The following PTPN4 variants were observed in gnomAD, a reference collection of about 807,000 sequenced individuals.
PTPN4 encodes the protein tyrosine-protein phosphatase non-receptor type 4.
In PTPN4, 49 loss-of-function variants were observed where a neutral mutation model predicts 135.5. That is an observed-to-expected ratio of 0.36 (90% confidence interval 0.29 to 0.46). The LOEUF is 0.46. Ranked by LOEUF, PTPN4 falls within the 20% of genes least tolerant of loss-of-function variation. The pLI is 1.00. For synonymous variants in PTPN4, 333 were observed against 369.9 expected (o/e 0.90, Z 1.14); for missense variants, 860 against 1,101.0 (o/e 0.78, Z 3.10).
Position 119,977,060 on chromosome 2 carries a change from CAAAT to C in PTPN4, c.2778_2781del (p.Ter927LysfsTer21). 1 of 1,590,490 alleles carries C rather than the reference CAAAT, an allele frequency of 6.3e-7. No individual in the cohort carries two copies. The highest frequency in any genetic ancestry group is 8.5e-7 in the Non-Finnish European group (1 of 1,172,974). On this transcript the variant is annotated frameshift_variant, in exon 27 of 27. Transcript: ENST00000263708. LOFTEE classifies it high-confidence loss of function. ...TTTGTTAAACCCTTAACAACATCAA[CAAAT>C]AAATAAGAAAGCAAAAAGATCTGGG...
intron 10 of PTPN4, among the ~76,000 whole-genome samples, chr2:119,904,337 A>C (rs1428579399): frequency 6.6e-6 from 1 of 152,174 alleles, no homozygotes; most frequent in African/African-American, 2.4e-5. Context: ...CTGAACCCGA[A>C]GACAGGTCTT....
intron 3 of PTPN4, among the ~76,000 whole-genome samples, chr2:119,866,701 T>C (rs1677839862): frequency 6.6e-6 from 1 of 152,154 alleles, no homozygotes; most frequent in Non-Finnish European, 1.5e-5. Flanking sequence ...TATAACTCAA[T>C]TCTTACATTA....
intron 1 of PTPN4, among the ~76,000 whole-genome samples, chr2:119,766,860 A>C (rs1690639683): frequency 6.6e-6 from 1 of 152,200 alleles, no homozygotes; most frequent in Non-Finnish European, 1.5e-5. Context: ...GGGGGGAAAG[A>C]GTTGAAGATG....
Position 119,960,794 on chromosome 2 carries a change from C to G in PTPN4, c.2134-13C>G. ...ATGCAAAACATTTTATTTTCATGCC[C>G]TTTTCTTTTTAGATGGAAATTCCTT... On this transcript the variant is annotated splice_polypyrimidine_tract_variant and intron_variant, in intron 22 of 26. Transcript: ENST00000263708. The G allele has an allele frequency of 6.2e-7, 1 of 1,602,344 alleles. No homozygotes were observed. The highest frequency in any genetic ancestry group is 8.5e-7 in the Non-Finnish European group (1 of 1,176,682).
intron 2 of PTPN4, among the ~76,000 whole-genome samples, chr2:119,847,732 CTTCCTTTGGTA>C (rs1345776556): frequency 6.6e-6 from 1 of 152,116 alleles, no homozygotes; most frequent in Non-Finnish European, 1.5e-5. Flanking sequence ...GCCTGAAGAA[CTTCCTTTGGTA>C]TTTCTTGTAA....
At chr2:119,766,105 C>T (rs1306234326) in intron 1 of PTPN4, among the ~76,000 whole-genome samples, 2 of 152,104 alleles carry the variant, frequency 1.3e-5, no homozygotes, top group African/African-American at 4.8e-5. Context: ...TTAATGGGAC[C>T]TGGGCATATC....
chr2:119,949,806 A>T (rs1027065663), intron 18 of PTPN4, among the ~76,000 whole-genome samples: 61 of 152,014 alleles, frequency 4.0e-4, no homozygotes, highest in African/African-American at 1.4e-3. Flanking sequence ...TCACACCACT[A>T]CACTCCAGCC....
intron 11 of PTPN4, among the ~76,000 whole-genome samples, chr2:119,918,317 A>T (rs570585086): frequency 1.3e-5 from 2 of 152,258 alleles, no homozygotes; most frequent in South Asian, 4.1e-4. Flanking sequence ...GGAAACCTTC[A>T]TACCCTTAAA....
rs1306062057 is a variant in PTPN4, at chr2:119,780,939, T to C, written c.-18+20555T>C. Reference sequence around the variant, plus strand: ...TTTTCTATTTCTGTTCTTCCTTCTATATTTATCATTAGATATTATTTTTAA... The same window carrying C: ...TTTTCTATTTCTGTTCTTCCTTCTACATTTATCATTAGATATTATTTTTAA... On this transcript the variant is annotated intron_variant, in intron 1 of 26. Transcript: ENST00000263708. 2.6e-5 allele frequency among the ~76,000 whole-genome samples: 4 copies of C among 152,326 alleles called. No individual in the cohort carries two copies. The East Asian group carries it at 7.7e-4, about 29-fold the overall frequency.
chr2:119,969,853 C>T (rs952619211), intron 26 of PTPN4, among the ~76,000 whole-genome samples: 7 of 151,940 alleles, frequency 4.6e-5, no homozygotes, highest in Non-Finnish European at 7.4e-5. Flanking sequence ...CCACCACACC[C>T]GGCCATCAAT....
chr2:119,896,751 G>A (rs1357726181), intron 9 of PTPN4, among the ~76,000 whole-genome samples: 2 of 151,140 alleles, frequency 1.3e-5, no homozygotes, highest in Non-Finnish European at 3.0e-5. Flanking sequence ...GAAAACACAT[G>A]GAAAAGAATG....
intron 13 of PTPN4, among the ~76,000 whole-genome samples, chr2:119,929,734 T>TAATAA (rs1335834120): frequency 6.6e-6 from 1 of 152,112 alleles, no homozygotes; most frequent in Non-Finnish European, 1.5e-5. Flanking sequence ...TTAAAACTGT[T>TAATAA]AATAAAATAA....
intron 2 of PTPN4, among the ~76,000 whole-genome samples, chr2:119,845,079 C>T (rs1175884302): frequency 2.0e-5 from 3 of 149,572 alleles, no homozygotes; most frequent in Non-Finnish European, 4.5e-5. Flanking sequence ...AGCGAAACCC[C>T]GTCTCCACCA....
chr2:119,860,548 T>G (rs991414895), intron 2 of PTPN4, among the ~76,000 whole-genome samples: 1 of 152,190 alleles, frequency 6.6e-6, no homozygotes, highest in East Asian at 1.9e-4. Flanking sequence ...CTTTTGTGCC[T>G]CTGTACTTTC....
At chr2:119,814,752 A>G (rs1676962685) in intron 2 of PTPN4, among the ~76,000 whole-genome samples, 1 of 152,174 alleles carries the variant, frequency 6.6e-6, no homozygotes, top group South Asian at 2.1e-4. Flanking sequence ...TCTCAAGTTG[A>G]TTGTCAACAG....
At chr2:119,909,197 G>T (rs1420871104) in intron 10 of PTPN4, among the ~76,000 whole-genome samples, 2 of 152,120 alleles carry the variant, frequency 1.3e-5, no homozygotes, top group African/African-American at 4.8e-5. Context: ...GCCTTCTATT[G>T]GAAGAAGATG....
intron 15 of PTPN4, among the ~76,000 whole-genome samples, chr2:119,937,833 G>A (rs1679005832): frequency 6.6e-6 from 1 of 152,084 alleles, no homozygotes; most frequent in South Asian, 2.1e-4. Flanking sequence ...TCAGGAGGCT[G>A]AGGCAGAAGG....
rs1409357214 is a variant in PTPN4 at position 119,885,777 on chromosome 2, TTAA to T, written c.588-16_588-14del. On this transcript the variant is annotated splice_polypyrimidine_tract_variant and intron_variant, in intron 8 of 26. Transcript: ENST00000263708. ...TTGATTGATTGATCTCATTTTTAACTTAATGATGTCTTTATAGAGGCTTATCTC... is the reference window on the plus strand; with the variant it reads ...TTGATTGATTGATCTCATTTTTAACTTGATGTCTTTATAGAGGCTTATCTC... The T allele has an allele frequency of 2.7e-6, 4 of 1,503,240 alleles. No homozygotes were observed. The highest frequency in any genetic ancestry group is 1.4e-5 in the African/African-American group (1 of 70,632). The allele number at this position is 1,503,240 out of a possible 1,614,324, so 93.1% of individuals were successfully genotyped here.
intron 26 of PTPN4, among the ~76,000 whole-genome samples, chr2:119,975,997 TTA>T (rs1347626426): frequency 0.011 from 880 of 81,406 alleles, 8 homozygotes; most frequent in African/African-American, 0.031. Flanking sequence ...ATTTATTTAT[TTA>T]TTTTTTTTTT....
Sources: allele counts gnomAD v4.1 joint callset (sites outside exome capture counted in the v4.1 genomes callset), GRCh38; gene constraint gnomAD v4.1.1; transcripts MANE v1.5; gene names NCBI Gene and HGNC (gene_info 2026-07-23, HGNC 2026-07-21).